The following ATG4B variants were observed in gnomAD, a reference collection of about 807,000 sequenced individuals.
ATG4B encodes the protein cysteine protease ATG4B.
In ATG4B, 29 loss-of-function variants were observed where a neutral mutation model predicts 56.6. The observed-to-expected ratio is 0.51, with a 90% CI of 0.38 to 0.70. The LOEUF (loss-of-function observed/expected upper bound fraction) is 0.70, where lower values mean the gene tolerates loss of function less well. ATG4B is among the 30% of genes least tolerant of loss of function. ATG4B has a pLI of 0.00. For synonymous variants in ATG4B, 224 were observed against 206.1 expected, an observed-to-expected ratio of 1.09 and a Z score of -0.74; for missense variants, 461 against 515.5, an observed-to-expected ratio of 0.89 and a Z score of 1.02.
At chr2:241,664,711 C>T (rs940547984) in intron 7 of ATG4B, among the ~76,000 whole-genome samples, 3 of 152,188 alleles carry the variant, frequency 2.0e-5, no homozygotes, top group Non-Finnish European at 4.4e-5. Context: ...TGTCTGTAAT[C>T]TCAGCACTTC....
At chr2:241,669,965 G>A (rs1212441831) in intron 10 of ATG4B, among the ~76,000 whole-genome samples, 4 of 152,158 alleles carry the variant, frequency 2.6e-5, no homozygotes, top group Non-Finnish European at 4.4e-5. Context: ...AGGAGTGGAC[G>A]CGTGAACGTT....
rs186356536 is a variant in ATG4B at position 241,651,811 on chromosome 2, C to A, written c.184+476C>A. The A allele has an allele frequency of 1.9e-6, 2 of 1,028,788 alleles. No individual in the cohort carries two copies. Among genetic ancestry groups the A allele is most frequent in the African/African-American group, 1.7e-5 (1 of 60,444 alleles). 63.7% of individuals were successfully genotyped at this position (1,028,788 alleles called of 1,614,324 possible). A position where few individuals can be genotyped will look rare whatever the true frequency, so the allele number is the denominator to read the frequency against. On this transcript the variant is annotated intron_variant, in intron 3 of 12. Coordinates refer to ENST00000404914, the MANE Select transcript of ATG4B (RefSeq NM_013325.5). This position sits in a 1 kb window ranked among gnomAD's most constrained non-coding sequence, Gnocchi z 4.1. ...TTTTTTAGTATTTTCCACACTTAAC[C>A]TGTGGGGAGATTTGAAGGGCCAGGT...
At chr2:241,653,692 G>A in intron 4 of ATG4B, 82 bp downstream of exon 4, 1 of 1,241,098 alleles carries the variant, frequency 8.1e-7, no homozygotes, top group Non-Finnish European at 1.1e-6. Context: ...GCTCTTTAGA[G>A]CAGACCACAG....
chr2:241,659,332 A>G (rs2068517722), intron 7 of ATG4B, 145 bp downstream of exon 7: 1 of 747,934 alleles, frequency 1.3e-6, no homozygotes, highest in African/African-American at 1.7e-5. Flanking sequence ...CTGTGCGCCA[A>G]GCCAGATGCA....
intron 7 of ATG4B, among the ~76,000 whole-genome samples, chr2:241,662,791 AGCG>A (rs2068628718): frequency 6.6e-6 from 1 of 152,028 alleles, no homozygotes; most frequent in South Asian, 2.1e-4. Context: ...AAATCAATAA[AGCG>A]GGCCGGGCGC....
Position 241,646,051 on chromosome 2 carries a change from A to G in ATG4B, c.11-4959A>G, listed in dbSNP as rs573752011. Among the ~76,000 whole-genome samples the G allele has an allele frequency of 9.2e-5, 14 of 152,306 alleles. No individual in the cohort carries two copies. In the East Asian group the frequency reaches 2.5e-3, roughly 27 times the overall value. ...TCCTTGATGGTTTATACAGTGAGCA[A>G]TCTGAGGCCACACACCTGTAATTTT... is the stretch of plus-strand genomic sequence containing the variant. On this transcript the variant is annotated intron_variant, in intron 1 of 12. Transcript: ENST00000404914.
chr2:241,658,960 T>C (rs754154472), intron 6 of ATG4B, 148 bp from the exon 7 acceptor site: 9 of 576,124 alleles, frequency 1.6e-5, no homozygotes, highest in Non-Finnish European at 2.1e-5. Flanking sequence ...GTCTGTGGCA[T>C]TGGCTGTGCC....
At chr2:241,649,784 C>CT (rs111624909) in intron 1 of ATG4B, among the ~76,000 whole-genome samples, 16,289 of 137,438 alleles carry the variant, frequency 0.12, 1,315 homozygotes, top group Non-Finnish European at 0.19. Flanking sequence ...TTTTCTTTTT[C>CT]TTTTTTTTTT....
rs1190993688 is a variant in ATG4B at position 241,673,128 on chromosome 2, T to G, written c.*864T>G. The G allele has an allele frequency of 1.1e-5, 2 of 189,872 alleles. No homozygotes were observed. The highest frequency in any genetic ancestry group is 2.2e-5 in the Non-Finnish European group (2 of 89,420). 11.8% of individuals were successfully genotyped at this position (189,872 alleles called of 1,614,324 possible). On this transcript the variant is annotated 3_prime_UTR_variant, in exon 13 of 13. Transcript: ENST00000404914. ...CAGGAGCCTTCCCCATGTCCTTGCC[T>G]TGCTGAGAATTGCCCTCCCATGCCG...
rs2069041437 is a variant in ATG4B at position 241,673,255 on chromosome 2, C to T, written c.*991C>T. 2 of 319,104 alleles carry T rather than the reference C, an allele frequency of 6.3e-6. No individual in the cohort carries two copies. The highest frequency in any genetic ancestry group is 2.2e-5 in the African/African-American group (1 of 46,338). 19.8% of individuals were successfully genotyped at this position (319,104 alleles called of 1,614,324 possible). A position where few individuals can be genotyped will look rare whatever the true frequency, so the allele number is the denominator to read the frequency against. ...GGGTGGCATCACCTGGTGGCATTTC[C>T]AGAACCTCAGCCCCGATTCCAGCAC... On this transcript the variant is annotated 3_prime_UTR_variant, in exon 13 of 13. Transcript: ENST00000404914.
At chr2:241,671,180 G>C in intron 11 of ATG4B, 132 bp from the exon 12 acceptor site, 1 of 780,890 alleles carries the variant, frequency 1.3e-6, no homozygotes, top group South Asian at 1.7e-5. Flanking sequence ...TTAGTGTGGA[G>C]CTGCCTCTGT....
chr2:241,667,916 C>G (rs1351485182), intron 8 of ATG4B: 2 of 529,486 alleles, frequency 3.8e-6, no homozygotes, highest in African/African-American at 1.9e-5. Context: ...AAGCCCACCT[C>G]TGACATGAAG....
Position 241,666,850 on chromosome 2 carries a change from C to A in ATG4B, c.732+12C>A, listed in dbSNP as rs201063196. 1 of 1,549,218 alleles carries A rather than the reference C, an allele frequency of 6.5e-7. No homozygotes were observed. The highest frequency in any genetic ancestry group is 1.9e-5 in the Admixed American group (1 of 51,426). On this transcript the variant is annotated intron_variant, in intron 8 of 12. Transcript: ENST00000404914. The stretch of plus-strand genomic sequence containing the variant: ...TGGAGACGCTGAAGGTGGGTCCTGC[C>A]GTGCGGCGCTTGCCCTGAGTCCCCG...
intron 6 of ATG4B, among the ~76,000 whole-genome samples, chr2:241,658,070 T>A (rs1453377501): frequency 6.6e-6 from 1 of 152,244 alleles, no homozygotes; most frequent in East Asian, 1.9e-4. Flanking sequence ...TCCCCGTTCC[T>A]GCGTTACTGT....
At chr2:241,659,423 C>T in intron 7 of ATG4B, 1 of 599,506 alleles carries the variant, frequency 1.7e-6, no homozygotes, top group Non-Finnish European at 3.2e-6. Context: ...CTTGGTATCT[C>T]ACGTCGTGTT....
In ATG4B at chr2:241,653,630, A is replaced by T. The variant is rs2068290558; in HGVS notation, c.283+20A>T. ...GCCGAGGTGAGTCACAGCCCTGGGG[A>T]GGGCGCATGGCCACGGTGTTCTCAG... On this transcript the variant is annotated intron_variant, in intron 4 of 12. Transcript: ENST00000404914. 6.4e-7 allele frequency: 1 copy of T among 1,554,876 alleles called. No homozygotes were observed. The highest frequency in any genetic ancestry group is 1.4e-5 in the African/African-American group (1 of 73,238).
intron 4 of ATG4B, 22 bp from the exon 5 acceptor site, chr2:241,654,524 C>T (rs183517883): frequency 1.6e-5 from 25 of 1,539,872 alleles, no homozygotes; most frequent in East Asian, 2.4e-5. Flanking sequence ...GTAGAGCTGA[C>T]CTGTAATTTT....
chr2:241,662,656 T>G (rs2068624291), intron 7 of ATG4B, among the ~76,000 whole-genome samples: 1 of 152,246 alleles, frequency 6.6e-6, no homozygotes, highest in Non-Finnish European at 1.5e-5. Context: ...CAGTAGGGTC[T>G]GTGCAGGTAA....
chr2:241,671,281 G>C (rs1315091395), intron 11 of ATG4B, 31 bp from the exon 12 acceptor site: 7 of 1,587,286 alleles, frequency 4.4e-6, no homozygotes, highest in Non-Finnish European at 6.0e-6. Flanking sequence ...CTGGGGTGAG[G>C]CTGCACCTAA....
Sources: gnomAD v4.1 joint callset for allele counts (sites outside exome capture counted in the v4.1 genomes callset) on GRCh38, gnomAD v4.1.1 for gene constraint, Gnocchi (gnomAD v3.1) non-coding constraint, MANE v1.5 for transcripts, NCBI Gene and HGNC (gene_info 2026-07-23, HGNC 2026-07-21) for gene names.